The following GABBR2 variants were observed in gnomAD, a reference collection of about 807,000 sequenced individuals.
The protein encoded by GABBR2 is G-protein coupled receptor 51.
GABBR2 carries 23 observed loss-of-function variants against 105.6 expected under a neutral mutation model. That is an observed-to-expected ratio of 0.22 (90% CI 0.16 to 0.31). The LOEUF (loss-of-function observed/expected upper bound fraction) is 0.31. Among genes scored for constraint, GABBR2 ranks in the 10% least tolerant of loss-of-function variants. GABBR2 has a pLI of 1.00. For synonymous variants in GABBR2, 478 were observed against 499.7 expected (o/e 0.96, Z 0.58); for missense variants, 734 against 1,245.5 (o/e 0.59, Z 6.18).
At chr9:98,475,797 G>A (rs1212646034) in intron 5 of GABBR2, among the ~76,000 whole-genome samples, 1 of 152,174 alleles carries the variant, frequency 6.6e-6, no homozygotes, top group African/African-American at 2.4e-5. Context: ...GGCTGGGCGC[G>A]TTGGCTCATG....
At chr9:98,613,108 T>A (rs1045498153) in intron 1 of GABBR2, among the ~76,000 whole-genome samples, 1 of 152,120 alleles carries the variant, frequency 6.6e-6, no homozygotes, top group African/African-American at 2.4e-5. Context: ...CCTATACCCA[T>A]AGCCTTTGGA....
chr9:98,589,301 TCA>T (rs1297614808), intron 1 of GABBR2, among the ~76,000 whole-genome samples: 5 of 152,280 alleles, frequency 3.3e-5, no homozygotes, highest in Middle Eastern at 3.4e-3. Context: ...TCATATCCTT[TCA>T]AAGGAATTTC....
At chr9:98,357,983 T>C (rs947618246) in intron 13 of GABBR2, among the ~76,000 whole-genome samples, 1 of 152,270 alleles carries the variant, frequency 6.6e-6, no homozygotes, top group Non-Finnish European at 1.5e-5. Flanking sequence ...CGTGACTTGC[T>C]GTTTTTGCTC....
At chr9:98,657,921 GC>G (rs200646341) in intron 1 of GABBR2, among the ~76,000 whole-genome samples, 2,137 of 152,308 alleles carry the variant, frequency 0.014, 63 homozygotes, top group African/African-American at 0.048. Flanking sequence ...GTTTCCCGAG[GC>G]CTTCCCAGCA....
At position 98,697,932 on chromosome 9, in the gene GABBR2, C is replaced by T. The variant is rs77345762; in HGVS notation, c.321+10485G>A. Among the ~76,000 whole-genome samples, 563 of 152,350 alleles carry T rather than the reference C, an allele frequency of 3.7e-3. 13 individuals are homozygous for T. Among genetic ancestry groups the T allele is most frequent in the East Asian group, 0.034 (175 of 5,178 alleles). The stretch of plus-strand genomic sequence containing the variant: ...TCTGCCACTTACATCCCTGAAACAA[C>T]TCTGGGCATTTTTCAGAAAGGCTTC... On this transcript the variant is annotated intron_variant, in intron 1 of 18. Coordinates refer to ENST00000259455, the MANE Select transcript of GABBR2 (RefSeq NM_005458.8).
chr9:98,570,938 C>T (rs888421310), intron 2 of GABBR2, among the ~76,000 whole-genome samples: 1 of 152,230 alleles, frequency 6.6e-6, no homozygotes, highest in African/African-American at 2.4e-5. Context: ...GCCTAGAAGG[C>T]AGGCACCTGG....
chr9:98,664,917 G>A (rs973473124), intron 1 of GABBR2, among the ~76,000 whole-genome samples: 2 of 151,864 alleles, frequency 1.3e-5, no homozygotes, highest in Non-Finnish European at 2.9e-5. Context: ...CTTGAGCCCA[G>A]GAGTTTGAGA....
intron 5 of GABBR2, among the ~76,000 whole-genome samples, 173 bp from the exon 6 acceptor site, chr9:98,473,519 G>T (rs1478704061): frequency 1.3e-5 from 2 of 151,974 alleles, no homozygotes; most frequent in Non-Finnish European, 2.9e-5. Context: ...GTAGTTTATG[G>T]ATAACATGTA....
chr9:98,425,543 A>G (rs1287137010), intron 7 of GABBR2, among the ~76,000 whole-genome samples: 1 of 152,230 alleles, frequency 6.6e-6, no homozygotes, highest in African/African-American at 2.4e-5. Context: ...GCAAACAGGC[A>G]TTCCATGGCT....
chr9:98,463,257 A>G (rs1826456382), intron 6 of GABBR2, among the ~76,000 whole-genome samples: 1 of 152,232 alleles, frequency 6.6e-6, no homozygotes, highest in Non-Finnish European at 1.5e-5. Flanking sequence ...AGACCTAACT[A>G]AATGCAGGGA....
chr9:98,497,907 G>A (rs533894486), intron 3 of GABBR2, among the ~76,000 whole-genome samples: 1 of 152,274 alleles, frequency 6.6e-6, no homozygotes, highest in South Asian at 2.1e-4. Flanking sequence ...TTGGAAGCAG[G>A]GACTTGACAG....
chr9:98,298,458 T>C (rs72759607), intron 17 of GABBR2, among the ~76,000 whole-genome samples: 9,705 of 152,286 alleles, frequency 0.064, 414 homozygotes, highest in East Asian at 0.19. Context: ...AGGTTCCTGC[T>C]AGTAGAACTG....
intron 12 of GABBR2, 72 bp downstream of exon 12, chr9:98,371,392 T>G: frequency 1.2e-6 from 1 of 819,560 alleles, no homozygotes; most frequent in East Asian, 2.6e-5. Flanking sequence ...GTGCCTGGAA[T>G]ATAGTATATA....
At chr9:98,353,399 C>A (rs1831433754) in intron 13 of GABBR2, among the ~76,000 whole-genome samples, 1 of 152,184 alleles carries the variant, frequency 6.6e-6, no homozygotes, top group African/African-American at 2.4e-5. Context: ...TTGGAATAAA[C>A]TTCTTCCAAA....
At chr9:98,486,494 T>G (rs890387557) in intron 4 of GABBR2, among the ~76,000 whole-genome samples, 2 of 152,170 alleles carry the variant, frequency 1.3e-5, no homozygotes, top group Non-Finnish European at 2.9e-5. Context: ...CATGGACTCT[T>G]GCAAGGAAGG....
intron 7 of GABBR2, among the ~76,000 whole-genome samples, chr9:98,434,158 C>A (rs1020988086): frequency 6.6e-6 from 1 of 152,220 alleles, no homozygotes; most frequent in African/African-American, 2.4e-5. Flanking sequence ...CAGCCTACAT[C>A]TTTCTCCCAT....
intron 13 of GABBR2, among the ~76,000 whole-genome samples, chr9:98,321,139 G>A (rs577353592): frequency 5.3e-5 from 8 of 152,160 alleles, no homozygotes; most frequent in Admixed American, 3.3e-4. Context: ...CCCAGGACTC[G>A]GCCCTGGGGG....
At chr9:98,426,857 G>T (rs7025757) in intron 7 of GABBR2, among the ~76,000 whole-genome samples, 78 of 152,244 alleles carry the variant, frequency 5.1e-4, no homozygotes, top group African/African-American at 1.8e-3. Flanking sequence ...CAAAAAGTTA[G>T]CTGGGTGTGG....
At chr9:98,656,818 T>C (rs1830190223) in intron 1 of GABBR2, among the ~76,000 whole-genome samples, 3 of 152,080 alleles carry the variant, frequency 2.0e-5, no homozygotes, top group Non-Finnish European at 2.9e-5. Context: ...CACTGTGACA[T>C]GATTATGGAA....
Sources: allele counts gnomAD v4.1 joint callset (sites outside exome capture counted in the v4.1 genomes callset), GRCh38; gene constraint gnomAD v4.1.1; transcripts MANE v1.5; gene names NCBI Gene and HGNC (gene_info 2026-07-23, HGNC 2026-07-21).